The following SGCZ variants were observed in gnomAD, a reference collection of about 807,000 sequenced individuals.
The protein encoded by SGCZ is sarcoglycan zeta, also known as zeta-sarcoglycan.
SGCZ carries 40 observed loss-of-function variants against 41.3 expected under a neutral mutation model. The ratio of observed to expected loss-of-function variants is 0.97; its 90% CI spans 0.75 to 1.26. The LOEUF (loss-of-function observed/expected upper bound fraction) is 1.26, where lower values mean the gene tolerates loss of function less well. SGCZ is among the 50% of genes most tolerant of loss of function. SGCZ has a pLI of 0.00. For missense variants in SGCZ, 552 were observed against 369.8 expected (o/e 1.49, Z -4.04); for synonymous variants, 206 against 137.5 (o/e 1.50, Z -3.49).
chr8:14,466,704 G>A (rs1217380401), intron 2 of SGCZ, among the ~76,000 whole-genome samples: 1 of 151,330 alleles, frequency 6.6e-6, no homozygotes, highest in South Asian at 2.1e-4. Context: ...TCTAGTTTGT[G>A]GAATTTTTTA....
chr8:14,169,161 A>C (rs10110910), intron 4 of SGCZ, among the ~76,000 whole-genome samples: 1 of 152,122 alleles, frequency 6.6e-6, no homozygotes, highest in Non-Finnish European at 1.5e-5. Context: ...AGAAGGTACA[A>C]CTTGACATTC....
At chr8:14,860,277 C>G (rs1283095885) in intron 1 of SGCZ, among the ~76,000 whole-genome samples, 1 of 151,888 alleles carries the variant, frequency 6.6e-6, no homozygotes, top group Non-Finnish European at 1.5e-5. Context: ...TTCTACAAGC[C>G]TTTAAATTCA....
At chr8:14,704,583 TG>T (rs1193486871) in intron 1 of SGCZ, among the ~76,000 whole-genome samples, 1 of 151,982 alleles carries the variant, frequency 6.6e-6, no homozygotes, top group East Asian at 1.9e-4. Context: ...CCAGGTCATG[TG>T]GTAGCTGTGA....
chr8:14,733,485 A>T (rs1484063130), intron 1 of SGCZ, among the ~76,000 whole-genome samples: 2 of 152,204 alleles, frequency 1.3e-5, no homozygotes, highest in Non-Finnish European at 2.9e-5. Flanking sequence ...GTGTCTTATC[A>T]TACCTGATTA....
At chr8:14,473,881 T>C (rs10107802) in intron 2 of SGCZ, among the ~76,000 whole-genome samples, 3,018 of 149,094 alleles carry the variant, frequency 0.02, 66 homozygotes, top group African/African-American at 0.051. Flanking sequence ...GAGCTTGCAG[T>C]GAGCCAAGAT....
intron 5 of SGCZ, among the ~76,000 whole-genome samples, chr8:14,130,123 GGACA>G (rs1163915855): frequency 1.3e-5 from 2 of 152,070 alleles, no homozygotes; most frequent in Non-Finnish European, 2.9e-5. Context: ...ACTAGTATAA[GGACA>G]GACATGTAGG....
At chr8:14,987,895 C>T (rs768007787) in intron 1 of SGCZ, among the ~76,000 whole-genome samples, 1 of 151,878 alleles carries the variant, frequency 6.6e-6, no homozygotes, top group Non-Finnish European at 1.5e-5. Flanking sequence ...AATTTGCTCC[C>T]AAACTTTCAG....
chr8:14,999,265 A>G (rs1312438458), intron 1 of SGCZ, among the ~76,000 whole-genome samples: 2 of 152,218 alleles, frequency 1.3e-5, no homozygotes, highest in African/African-American at 2.4e-5. Context: ...ATCTTCAGAA[A>G]CACAACTAAA....
intron 1 of SGCZ, among the ~76,000 whole-genome samples, chr8:14,945,149 G>A (rs1380626263): frequency 8.9e-6 from 1 of 112,496 alleles, no homozygotes; most frequent in Non-Finnish European, 1.7e-5. Flanking sequence ...GTTAGGCAAT[G>A]TTGTGTGTGG....
At chr8:14,657,381 T>A (rs1807610215) in intron 1 of SGCZ, among the ~76,000 whole-genome samples, 1 of 152,098 alleles carries the variant, frequency 6.6e-6, no homozygotes, top group African/African-American at 2.4e-5. Context: ...TATATATGCA[T>A]CAATACGCAT....
intron 4 of SGCZ, among the ~76,000 whole-genome samples, chr8:14,202,515 T>A (rs1805488141): frequency 6.6e-6 from 1 of 151,852 alleles, no homozygotes; most frequent in African/African-American, 2.4e-5. Context: ...ATGAGAAAAC[T>A]ATTCATACTT....
intron 1 of SGCZ, among the ~76,000 whole-genome samples, chr8:14,782,022 C>G (rs1800604100): frequency 6.6e-6 from 1 of 152,148 alleles, no homozygotes; most frequent in East Asian, 1.9e-4. Context: ...ACTCTCTGTA[C>G]TTGACTAGTT....
At chr8:14,798,434 G>A (rs1459286396) in intron 1 of SGCZ, among the ~76,000 whole-genome samples, 1 of 152,042 alleles carries the variant, frequency 6.6e-6, no homozygotes, top group South Asian at 2.1e-4. Flanking sequence ...AAGTACACTG[G>A]TTTATCAAAG....
chr8:15,004,471 A>T (rs1165810803), intron 1 of SGCZ, among the ~76,000 whole-genome samples: 1 of 152,146 alleles, frequency 6.6e-6, no homozygotes, highest in African/African-American at 2.4e-5. Flanking sequence ...AACTAGACCA[A>T]AAAAGGTGGA....
At chr8:14,884,001 C>A (rs1286851225) in intron 1 of SGCZ, among the ~76,000 whole-genome samples, 1 of 152,012 alleles carries the variant, frequency 6.6e-6, no homozygotes, top group East Asian at 1.9e-4. Flanking sequence ...CAAGTAACAA[C>A]AAATTGAATT....
At chr8:14,876,419 C>T (rs762793242) in intron 1 of SGCZ, among the ~76,000 whole-genome samples, 37 of 152,206 alleles carry the variant, frequency 2.4e-4, no homozygotes, top group Non-Finnish European at 4.9e-4. Context: ...AAGTCAATTA[C>T]GTTACTTTCA....
rs192031546 is a variant in SGCZ, at chr8:14,423,549, T to A, written c.235-99345A>T. Among the ~76,000 whole-genome samples, 601 of 152,230 alleles carry A rather than the reference T, an allele frequency of 3.9e-3. 3 individuals are homozygous for A. The highest frequency in any genetic ancestry group is 1.9e-3 in the Non-Finnish European group (126 of 68,008). On this transcript the variant is annotated intron_variant, in intron 2 of 7. Transcript: ENST00000382080. ...CTCCTGCCTCAGCCTCCCTAGTAGC[T>A]GGGATTACAGGCATACACCACCATA...
At chr8:14,754,390 A>G (rs995006701) in intron 1 of SGCZ, among the ~76,000 whole-genome samples, 2 of 152,106 alleles carry the variant, frequency 1.3e-5, no homozygotes, top group Admixed American at 6.5e-5. Flanking sequence ...TAGATACTAC[A>G]CTCTAACATG....
intron 1 of SGCZ, among the ~76,000 whole-genome samples, chr8:15,042,099 T>C (rs1239690532): frequency 1.3e-5 from 2 of 152,198 alleles, no homozygotes; most frequent in Non-Finnish European, 2.9e-5. Context: ...TTTGTATTCA[T>C]AGTAAGATGA....
Sources: allele counts gnomAD v4.1 joint callset (sites outside exome capture counted in the v4.1 genomes callset), GRCh38; gene constraint gnomAD v4.1.1; transcripts MANE v1.5; gene names NCBI Gene and HGNC (gene_info 2026-07-23, HGNC 2026-07-21).